The following CYBB variants were observed in gnomAD, a reference collection of about 807,000 sequenced individuals.
The protein encoded by CYBB is NADPH oxidase 2.
CYBB carries 5 observed loss-of-function variants against 46.5 expected under a neutral mutation model. The observed-to-expected ratio is 0.11, with a 90% CI of 0.06 to 0.23. The LOEUF (loss-of-function observed/expected upper bound fraction) is 0.23, where lower values mean the gene tolerates loss of function less well. Among genes scored for constraint, CYBB ranks in the 10% least tolerant of loss-of-function variants. The pLI is 1.00. For synonymous variants in CYBB, 183 were observed against 156.7 expected, an observed-to-expected ratio of 1.17 and a Z score of -1.26; for missense variants, 307 against 428.3, an observed-to-expected ratio of 0.72 and a Z score of 2.50.
chrX:37,783,262 G>C (rs782147550), intron 2 of CYBB, among the ~76,000 whole-genome samples: 11 of 111,719 alleles, frequency 9.8e-5, no homozygotes, highest in Non-Finnish European at 1.7e-4. Flanking sequence ...CTTTATGTTT[G>C]AACATTTTAA....
chrX:37,784,078 G>A (rs1556464948), intron 3 of CYBB, among the ~76,000 whole-genome samples: 1 of 111,449 alleles, frequency 9.0e-6, no homozygotes, highest in Admixed American at 9.5e-5. Flanking sequence ...TCATGGAACT[G>A]GGGAGCATAG....
intron 3 of CYBB, among the ~76,000 whole-genome samples, chrX:37,788,443 G>A (rs1202829140): frequency 1.8e-5 from 2 of 112,007 alleles, no homozygotes; most frequent in African/African-American, 3.2e-5. Context: ...ATGATTAAAA[G>A]ATTTTTTTAA....
At chrX:37,807,055 C>T (rs782206435) in intron 11 of CYBB, among the ~76,000 whole-genome samples, 16 of 111,323 alleles carry the variant, frequency 1.4e-4, no homozygotes, top group Non-Finnish European at 2.4e-4. Flanking sequence ...CAATAAATTA[C>T]ATGTGGTCTT....
rs1357937325 is a variant in CYBB at position 37,791,876 on chromosome X, T to G, written c.253-99T>G. On this transcript the variant is annotated intron_variant, in intron 3 of 12. Coordinates refer to ENST00000378588, the MANE Select transcript of CYBB (RefSeq NM_000397.4). ...TATAATGATACAGTTTGCAGGGTGGTCATGAAAATTAAATGAGATAATATG... is the reference window on the plus strand; with the variant it reads ...TATAATGATACAGTTTGCAGGGTGGGCATGAAAATTAAATGAGATAATATG... 6.6e-6 allele frequency: 4 copies of G among 604,659 alleles called. No homozygotes were observed. In the African/African-American group the frequency reaches 8.9e-5, roughly 13 times the overall value. The allele number at this position is 604,659 out of a possible 1,213,427, so 49.8% of individuals were successfully genotyped here. A position where few individuals can be genotyped will look rare whatever the true frequency, so the allele number is the denominator to read the frequency against.
chrX:37,795,570 C>A (rs1929282673), intron 5 of CYBB, among the ~76,000 whole-genome samples: 1 of 111,802 alleles, frequency 8.9e-6, no homozygotes, highest in Non-Finnish European at 1.9e-5. Flanking sequence ...AATATATTTG[C>A]AAACTAAGCA....
intron 3 of CYBB, among the ~76,000 whole-genome samples, chrX:37,790,763 C>A (rs1483185722): frequency 9.0e-6 from 1 of 111,193 alleles, no homozygotes; most frequent in East Asian, 2.8e-4. Flanking sequence ...AAATATTAAA[C>A]ACCCCTATAT....
chrX:37,809,767 T>A, intron 12 of CYBB, 76 bp downstream of exon 12: 1 of 1,059,241 alleles, frequency 9.4e-7, no homozygotes, highest in Admixed American at 2.4e-5. Context: ...TATCTAAACT[T>A]ATATATTTTA....
In CYBB at chrX:37,806,419, T is replaced by C. The variant is rs781988761; in HGVS notation, c.1347T>C (p.His449=). 1.7e-6 allele frequency: 2 copies of C among 1,210,492 alleles called. No individual in the cohort carries two copies. The highest frequency in any genetic ancestry group is 1.1e-6 in the Non-Finnish European group (1 of 894,619). Residue 449 remains histidine, a synonymous_variant, in exon 11 of 13, where the codon CAT becomes CAC. Transcript: ENST00000378588. ...IYFYWLCRDT[H]AFEWFADLLQ... ...TCTACTGGCTGTGCCGGGACACACA[T>C]GCCTTTGAGTGGTTTGCAGATCTGC... is the stretch of plus-strand genomic sequence containing the variant.
chrX:37,798,640 G>T (rs1197502984), intron 6 of CYBB, among the ~76,000 whole-genome samples: 5 of 112,123 alleles, frequency 4.5e-5, no homozygotes. Context: ...CAATTTTTCT[G>T]CTTTTGTTTG....
chrX:37,791,607 A>G (rs1484404132), intron 3 of CYBB, among the ~76,000 whole-genome samples: 4 of 112,135 alleles, frequency 3.6e-5, no homozygotes, highest in Non-Finnish European at 7.5e-5. Context: ...ATGTGATGTT[A>G]ATTTCTACAT....
At chrX:37,798,866 T>A in intron 6 of CYBB, 89 bp from the exon 7 acceptor site, 1 of 961,157 alleles carries the variant, frequency 1.0e-6, no homozygotes, top group Non-Finnish European at 1.5e-6. Context: ...AGGGCCTACA[T>A]CAGAGCACTT....
At chrX:37,800,779 G>GA (rs1291675587) in intron 7 of CYBB, among the ~76,000 whole-genome samples, 1 of 112,358 alleles carries the variant, frequency 8.9e-6, no homozygotes, top group African/African-American at 3.2e-5. Flanking sequence ...GAATATTGGA[G>GA]AAACAGCCAA....
chrX:37,783,419 T>C, intron 2 of CYBB, 71 bp from the exon 3 acceptor site: 2 of 692,884 alleles, frequency 2.9e-6, no homozygotes, highest in Non-Finnish European at 2.3e-6. Flanking sequence ...GCTAAGAACC[T>C]TGGGGAAGTG....
chrX:37,807,863 T>C (rs782810769), intron 11 of CYBB, among the ~76,000 whole-genome samples: 3 of 111,317 alleles, frequency 2.7e-5, no homozygotes, highest in East Asian at 5.6e-4. Flanking sequence ...CCAGAGACAG[T>C]TGGCAATGTA....
intron 3 of CYBB, among the ~76,000 whole-genome samples, chrX:37,785,024 T>C (rs1431139103): frequency 8.9e-6 from 1 of 112,215 alleles, no homozygotes; most frequent in East Asian, 2.8e-4. Flanking sequence ...ATCCAGAGAA[T>C]TTTTTTCTTT....
At chrX:37,781,140 G>C (rs951593691) in intron 1 of CYBB, among the ~76,000 whole-genome samples, 1 of 112,371 alleles carries the variant, frequency 8.9e-6, no homozygotes, top group Non-Finnish European at 1.9e-5. Context: ...CCGAGTATTC[G>C]AAGCTGTAAA....
chrX:37,793,612 T>C (rs782770700), intron 4 of CYBB, 53 bp from the exon 5 acceptor site: 20 of 1,180,435 alleles, frequency 1.7e-5, no homozygotes, highest in Middle Eastern at 4.7e-4. Context: ...CAGCTTACAA[T>C]AAATTTGTTC....
chrX:37,804,851 G>A (rs1312237697), intron 9 of CYBB, among the ~76,000 whole-genome samples, 155 bp from the exon 10 acceptor site: 1 of 112,026 alleles, frequency 8.9e-6, no homozygotes, highest in Non-Finnish European at 1.9e-5. Flanking sequence ...ACTAAGTTTG[G>A]TTACTTGAAA....
intron 6 of CYBB, among the ~76,000 whole-genome samples, chrX:37,798,487 T>C (rs1449357624): frequency 1.8e-5 from 2 of 112,251 alleles, no homozygotes; most frequent in Non-Finnish European, 3.8e-5. Flanking sequence ...AGTTGTCTAC[T>C]ATAGTGGGTG....
Sources: gnomAD v4.1 joint callset for allele counts (sites outside exome capture counted in the v4.1 genomes callset) on GRCh38, gnomAD v4.1.1 for gene constraint, MANE v1.5 for transcripts, NCBI Gene and HGNC (gene_info 2026-07-23, HGNC 2026-07-21) for gene names.